Variants in CHSY3 observed in about 807,000 individuals in gnomAD.
The protein encoded by CHSY3 is N-acetylgalactosaminyl-proteoglycan 3-beta-glucuronosyltransferase 3.
A neutral mutation model predicts 67.2 loss-of-function variants in CHSY3; 35 were observed. The observed-to-expected ratio is 0.52, with a 90% confidence interval of 0.40 to 0.69. CHSY3 has a LOEUF of 0.69. CHSY3 is among the 30% of genes least tolerant of loss of function. The pLI, the probability that CHSY3 is intolerant of heterozygous loss-of-function variation, is 0.00. For missense variants in CHSY3, 1,069 were observed against 1,138.5 expected (o/e 0.94, Z 0.88); for synonymous variants, 474 against 434.7 (o/e 1.09, Z -1.12).
At chr5:130,151,610 A>AG (rs778111905) in intron 2 of CHSY3, among the ~76,000 whole-genome samples, 3 of 152,184 alleles carry the variant, frequency 2.0e-5, no homozygotes, top group Non-Finnish European at 4.4e-5. Context: ...CGGCTGGGGA[A>AG]GCCTCAGGAA....
chr5:129,917,837 A>G (rs935864798), intron 2 of CHSY3, among the ~76,000 whole-genome samples: 7 of 152,186 alleles, frequency 4.6e-5, no homozygotes, highest in Non-Finnish European at 1.0e-4. Context: ...TTCATCCGTT[A>G]TGTCAAAATC....
At chr5:129,919,394 G>A (rs1581365626) in intron 2 of CHSY3, among the ~76,000 whole-genome samples, 1 of 152,154 alleles carries the variant, frequency 6.6e-6, no homozygotes, top group Admixed American at 6.5e-5. Context: ...GACATAGTTG[G>A]TGTATTAGTC....
chr5:130,149,404 T>C (rs1382262551), intron 2 of CHSY3, among the ~76,000 whole-genome samples: 1 of 151,804 alleles, frequency 6.6e-6, no homozygotes, highest in Non-Finnish European at 1.5e-5. Flanking sequence ...AAGCAGGAGG[T>C]TGTACATCAC....
intron 2 of CHSY3, among the ~76,000 whole-genome samples, chr5:130,111,924 G>A (rs1330288095): frequency 6.6e-6 from 1 of 152,076 alleles, no homozygotes; most frequent in African/African-American, 2.4e-5. Context: ...TTAAGTGGTT[G>A]ACTCATTTAA....
At chr5:129,980,732 T>A (rs191761737) in intron 2 of CHSY3, among the ~76,000 whole-genome samples, 65 of 152,296 alleles carry the variant, frequency 4.3e-4, no homozygotes, top group African/African-American at 1.5e-3. Context: ...TGTTACCATT[T>A]GGGAGTTTTG....
intron 2 of CHSY3, among the ~76,000 whole-genome samples, chr5:130,036,666 C>T (rs1219215987): frequency 2.0e-5 from 3 of 152,122 alleles, no homozygotes; most frequent in Non-Finnish European, 2.9e-5. Flanking sequence ...GTCCTTCCTT[C>T]GGCTCCCTAA....
At chr5:130,113,346 A>G (rs1312541108) in intron 2 of CHSY3, among the ~76,000 whole-genome samples, 1 of 152,180 alleles carries the variant, frequency 6.6e-6, no homozygotes, top group Non-Finnish European at 1.5e-5. Context: ...CTTGTCAAAT[A>G]CAAGTGTATA....
chr5:130,036,232 G>C (rs2149662729), intron 2 of CHSY3, among the ~76,000 whole-genome samples: 1 of 152,146 alleles, frequency 6.6e-6, no homozygotes, highest in East Asian at 1.9e-4. Context: ...TGAACAAAAA[G>C]GGTAGCAAAA....
chr5:130,157,203 G>A (rs772184700), intron 2 of CHSY3, among the ~76,000 whole-genome samples: 11 of 152,292 alleles, frequency 7.2e-5, no homozygotes, highest in Non-Finnish European at 1.3e-4. Context: ...AAGATTAATA[G>A]AATAAATGTT....
At chr5:130,127,825 G>A (rs966526487) in intron 2 of CHSY3, among the ~76,000 whole-genome samples, 1 of 152,124 alleles carries the variant, frequency 6.6e-6, no homozygotes, top group Non-Finnish European at 1.5e-5. Flanking sequence ...ATTTTAGAGT[G>A]TGGGATGCTT....
chr5:130,091,037 A>C (rs1363794079), intron 2 of CHSY3, among the ~76,000 whole-genome samples: 1 of 151,880 alleles, frequency 6.6e-6, no homozygotes, highest in Admixed American at 6.6e-5. Context: ...TGAATTATTT[A>C]TATCTCTTAT....
chr5:130,156,029 CAGTTAT>C (rs1383045609), intron 2 of CHSY3, among the ~76,000 whole-genome samples: 1 of 152,172 alleles, frequency 6.6e-6, no homozygotes, highest in Non-Finnish European at 1.5e-5. Flanking sequence ...ATGAGGAGTG[CAGTTAT>C]AGCTTTATTA....
chr5:130,096,004 T>A (rs1175835812), intron 2 of CHSY3, among the ~76,000 whole-genome samples: 1 of 152,168 alleles, frequency 6.6e-6, no homozygotes, highest in Non-Finnish European at 1.5e-5. Flanking sequence ...ATCTACCAAA[T>A]AACTGACAAG....
chr5:130,086,845 G>A (rs535705968), intron 2 of CHSY3, among the ~76,000 whole-genome samples: 1,872 of 151,670 alleles, frequency 0.012, 38 homozygotes, highest in African/African-American at 0.042. Context: ...GAAAAAGAGG[G>A]AATCCTCCCT....
chr5:130,139,974 T>C (rs17692509), intron 2 of CHSY3: 6,889 of 152,770 alleles, frequency 0.045, 426 homozygotes, highest in East Asian at 0.27. Context: ...AATATTGTGA[T>C]AGCTTTTGGG....
intron 2 of CHSY3, among the ~76,000 whole-genome samples, chr5:129,935,052 G>T (rs965276058): frequency 6.6e-6 from 1 of 152,126 alleles, no homozygotes; most frequent in Non-Finnish European, 1.5e-5. Context: ...GACATTTCTC[G>T]TAAAGATAAA....
chr5:130,029,784 T>C (rs904408153), intron 2 of CHSY3, among the ~76,000 whole-genome samples: 1 of 152,046 alleles, frequency 6.6e-6, no homozygotes, highest in Non-Finnish European at 1.5e-5. Flanking sequence ...AAAATCAGCA[T>C]TGGTTGCCCA....
intron 2 of CHSY3, among the ~76,000 whole-genome samples, chr5:130,170,087 T>C (rs1769857622): frequency 6.6e-6 from 1 of 152,140 alleles, no homozygotes; most frequent in African/African-American, 2.4e-5. Context: ...GTTACCCAAA[T>C]AGTGAATACT....
chr5:130,178,253 A>ATATTTTTTTT (rs1205782386), intron 2 of CHSY3, among the ~76,000 whole-genome samples: 1 of 45,912 alleles, frequency 2.2e-5, no homozygotes, highest in South Asian at 9.6e-4. Context: ...ATATATATAT[A>ATATTTTTTTT]TTTTTTTTTT....
Sources: gnomAD v4.1 joint callset for allele counts (sites outside exome capture counted in the v4.1 genomes callset) on GRCh38, gnomAD v4.1.1 for gene constraint, MANE v1.5 for transcripts, NCBI Gene and HGNC (gene_info 2026-07-23, HGNC 2026-07-21) for gene names.